Variants in SORCS1 observed in about 807,000 individuals in gnomAD.
SORCS1 encodes VPS10 domain-containing receptor SorCS1.
SORCS1 carries 60 observed loss-of-function variants against 146.1 expected under a neutral mutation model. The observed-to-expected ratio is 0.41, with a 90% CI of 0.33 to 0.51. SORCS1 has a LOEUF of 0.51. SORCS1 is among the 20% of genes least tolerant of loss of function. The pLI is 0.21. For synonymous variants in SORCS1, 637 were observed against 584.0 expected (o/e 1.09, Z -1.31); for missense variants, 1,352 against 1,487.6 (o/e 0.91, Z 1.50).
chr10:106,958,013 T>C (rs1340475059), intron 1 of SORCS1, among the ~76,000 whole-genome samples: 1 of 152,176 alleles, frequency 6.6e-6, no homozygotes, highest in Non-Finnish European at 1.5e-5. Flanking sequence ...CCCTTCTCAG[T>C]CACACCAAAA....
chr10:106,601,214 G>A (rs549351879), intron 23 of SORCS1, among the ~76,000 whole-genome samples: 4 of 152,200 alleles, frequency 2.6e-5, no homozygotes, highest in Non-Finnish European at 5.9e-5. Flanking sequence ...ATTTCTAGGA[G>A]GGAGACTGAA....
intron 1 of SORCS1, among the ~76,000 whole-genome samples, chr10:107,119,331 ATTTCAT>A (rs1349119047): frequency 1.3e-5 from 2 of 152,204 alleles, no homozygotes; most frequent in African/African-American, 4.8e-5. Flanking sequence ...CCCTTTGTAC[ATTTCAT>A]GCACTCAGCT....
At chr10:106,735,098 A>T (rs368296386) in intron 5 of SORCS1, among the ~76,000 whole-genome samples, 99 of 151,342 alleles carry the variant, frequency 6.5e-4, no homozygotes, top group African/African-American at 2.3e-3. Context: ...GTGAGCCGAG[A>T]TCAAGCCAGT....
In SORCS1 at chr10:106,989,680, G is replaced by GTTTT. The variant is rs761689988; in HGVS notation, c.559-33104_559-33101dup. The stretch of plus-strand genomic sequence containing the variant: ...ACTCATATTTTTTCTGTTTTTTTTT[G>GTTTT]TTTTTTTTTTTTTTTTTTTTTTCTG... On this transcript the variant is annotated intron_variant, in intron 1 of 25. Transcript: ENST00000263054. Among the ~76,000 whole-genome samples, 214 of 70,332 alleles carry GTTTT rather than the reference G, an allele frequency of 3.0e-3. 11 individuals carry two copies. The highest frequency in any genetic ancestry group is 0.01 in the African/African-American group (195 of 18,676). 46.1% of individuals were successfully genotyped at this position (70,332 alleles called of 152,430 possible).
chr10:107,017,991 T>C (rs894726654), intron 1 of SORCS1, among the ~76,000 whole-genome samples: 1 of 151,892 alleles, frequency 6.6e-6, no homozygotes, highest in African/African-American at 2.4e-5. Flanking sequence ...GACCTTCCTC[T>C]GAAGCAGCTC....
rs775037926 is a variant in SORCS1 at position 106,580,207 on chromosome 10, G to A, written c.3266-733C>T. Among the ~76,000 whole-genome samples, 14 of 152,190 alleles carry A rather than the reference G, an allele frequency of 9.2e-5. No homozygotes were observed. In the East Asian group the frequency reaches 9.7e-4, roughly 11 times the overall value. On this transcript the variant is annotated intron_variant, in intron 24 of 25. Coordinates refer to ENST00000263054, the MANE Select transcript of SORCS1 (RefSeq NM_052918.5). ...AAGTGAGTATTTCACGAGGGTAGCC[G>A]CGGAGATGCTGAAGGAGGGATATGC...
intron 22 of SORCS1, among the ~76,000 whole-genome samples, chr10:106,610,994 C>T (rs1288138506): frequency 1.3e-5 from 2 of 151,952 alleles, no homozygotes; most frequent in African/African-American, 2.4e-5. Flanking sequence ...GTGGGAGAAT[C>T]GCTTGAACCC....
chr10:107,144,073 A>C (rs371657246), intron 1 of SORCS1, among the ~76,000 whole-genome samples: 2 of 152,172 alleles, frequency 1.3e-5, no homozygotes, highest in East Asian at 3.9e-4. Flanking sequence ...GAGGGGCCAC[A>C]CATGCTTATC....
intron 17 of SORCS1, chr10:106,667,381 G>T: frequency 3.8e-6 from 1 of 265,500 alleles, no homozygotes; most frequent in Admixed American, 4.8e-5. Flanking sequence ...ACGGTAAAAG[G>T]TAACTTCACA....
chr10:107,130,025 T>G (rs901215452), intron 1 of SORCS1, among the ~76,000 whole-genome samples: 1 of 152,232 alleles, frequency 6.6e-6, no homozygotes, highest in Admixed American at 6.5e-5. Flanking sequence ...ATGTCCAAGT[T>G]TTCTATATAT....
At chr10:106,933,233 A>AGTTCATCGATTCTC (rs1240108622) in intron 2 of SORCS1, among the ~76,000 whole-genome samples, 1 of 152,220 alleles carries the variant, frequency 6.6e-6, no homozygotes, top group Non-Finnish European at 1.5e-5. Flanking sequence ...AATGGGCCAA[A>AGTTCATCGATTCTC]GTTCATCGAT....
chr10:106,889,887 A>AT (rs201817746), intron 2 of SORCS1, among the ~76,000 whole-genome samples: 7 of 145,720 alleles, frequency 4.8e-5, no homozygotes, highest in Admixed American at 6.8e-5. Flanking sequence ...TACGTCTCAA[A>AT]TAAAAAAAAA....
intron 9 of SORCS1, among the ~76,000 whole-genome samples, chr10:106,697,934 T>G (rs1246579708): frequency 6.6e-6 from 1 of 152,210 alleles, no homozygotes; most frequent in Non-Finnish European, 1.5e-5. Context: ...TCTGAGGCTG[T>G]CATACATGAT....
chr10:107,034,749 T>G (rs1203055713), intron 1 of SORCS1, among the ~76,000 whole-genome samples: 1 of 136,426 alleles, frequency 7.3e-6, no homozygotes, highest in Non-Finnish European at 1.6e-5. Context: ...CAGCTCCATC[T>G]AAAACCTAAA....
intron 18 of SORCS1, among the ~76,000 whole-genome samples, chr10:106,650,357 G>GT (rs1392322245): frequency 6.6e-6 from 1 of 152,192 alleles, no homozygotes; most frequent in African/African-American, 2.4e-5. Flanking sequence ...CAAGAACCAA[G>GT]TCTCAGATAG....
chr10:106,823,430 T>C (rs556059921), intron 3 of SORCS1, among the ~76,000 whole-genome samples: 1 of 152,200 alleles, frequency 6.6e-6, no homozygotes, highest in Non-Finnish European at 1.5e-5. Flanking sequence ...ATTAAATTTA[T>C]AGTTAGAGAA....
chr10:106,637,778 G>A (rs1848813385), intron 18 of SORCS1, among the ~76,000 whole-genome samples: 1 of 152,086 alleles, frequency 6.6e-6, no homozygotes, highest in Non-Finnish European at 1.5e-5. Context: ...CAGATCCTTG[G>A]GACTTGCCTA....
intron 2 of SORCS1, among the ~76,000 whole-genome samples, chr10:106,871,402 G>A (rs1950403030): frequency 6.6e-6 from 1 of 152,166 alleles, no homozygotes; most frequent in Non-Finnish European, 1.5e-5. Context: ...CCCATTACTG[G>A]AGGAATACAA....
chr10:106,606,280 C>T (rs2418812), intron 23 of SORCS1, among the ~76,000 whole-genome samples: 1 of 15,614 alleles, frequency 6.4e-5, no homozygotes, highest in South Asian at 3.2e-3. Flanking sequence ...GATATACACA[C>T]ACACACACAC....
Sources: allele counts gnomAD v4.1 joint callset (sites outside exome capture counted in the v4.1 genomes callset), GRCh38; gene constraint gnomAD v4.1.1; transcripts MANE v1.5; gene names NCBI Gene and HGNC (gene_info 2026-07-23, HGNC 2026-07-21).